SPMIP10: variants seen among roughly 807,000 people sequenced by gnomAD.
The protein encoded by SPMIP10 is sperm-associated microtubule inner protein 10.
At chr5:126,631,841 G>A in the SPMIP10 span, 1 of 1,536,468 alleles carries the variant, frequency 6.5e-7, no homozygotes, top group East Asian at 2.3e-5. Context: ...ATGGGATTCT[G>A]GGGTTTTTTG....
the SPMIP10 span, among the ~76,000 whole-genome samples, chr5:126,633,555 T>C: frequency 6.6e-6 from 1 of 152,208 alleles, no homozygotes; most frequent in South Asian, 2.1e-4. Flanking sequence ...AGATGGGGTC[T>C]CACTATGTCT....
chr5:126,633,735 A>T, the SPMIP10 span, among the ~76,000 whole-genome samples: 1 of 152,160 alleles, frequency 6.6e-6, no homozygotes, highest in Admixed American at 6.6e-5. Context: ...ATCATGGCTC[A>T]CTGCAGCTGC....
chr5:126,631,807 A>G, the SPMIP10 span: 3 of 1,605,874 alleles, frequency 1.9e-6, no homozygotes, highest in Non-Finnish European at 2.6e-6. Flanking sequence ...GAGTCTCTAT[A>G]AATCTGCTAA....
At chr5:126,636,283 TCTTA>T in the SPMIP10 span, 1 of 1,465,862 alleles carries the variant, frequency 6.8e-7, no homozygotes, top group Non-Finnish European at 9.5e-7. Flanking sequence ...ATCTCTGCTC[TCTTA>T]CTGTCTCTGA....
At chr5:126,635,927 G>T in the SPMIP10 span, 8 of 951,678 alleles carry the variant, frequency 8.4e-6, no homozygotes, top group Middle Eastern at 2.9e-4. Flanking sequence ...CTCCCAAATT[G>T]CTGGGATTAC....
chr5:126,633,024 T>TATATATATATATATATATATATATATAA, the SPMIP10 span, among the ~76,000 whole-genome samples: 1,485 of 138,278 alleles, frequency 0.011, 68 homozygotes, highest in African/African-American at 0.044. Flanking sequence ...TATATATATA[T>TATATATATATATATATATATATATATAA]ATATATATAA....
the SPMIP10 span, among the ~76,000 whole-genome samples, chr5:126,634,098 C>G: frequency 1.3e-5 from 2 of 152,328 alleles, no homozygotes; most frequent in African/African-American, 4.8e-5. Context: ...TAAGTATATG[C>G]TCAAAATAAT....
the SPMIP10 span, among the ~76,000 whole-genome samples, chr5:126,633,727 C>A: frequency 6.6e-6 from 1 of 152,176 alleles, no homozygotes; most frequent in East Asian, 1.9e-4. Context: ...ATGATGCAAT[C>A]ATGGCTCACT....
At chr5:126,632,547 TA>T in the SPMIP10 span, 6 of 1,543,802 alleles carry the variant, frequency 3.9e-6, no homozygotes, top group African/African-American at 8.2e-5. Flanking sequence ...AATCATCAGG[TA>T]TGAAGAGATT....
chr5:126,635,529 T>A, the SPMIP10 span, among the ~76,000 whole-genome samples: 2 of 152,140 alleles, frequency 1.3e-5, no homozygotes, highest in African/African-American at 4.8e-5. Context: ...ACAATCTGCC[T>A]CCAAATATAT....
the SPMIP10 span, among the ~76,000 whole-genome samples, chr5:126,634,784 A>C: frequency 6.6e-6 from 1 of 152,216 alleles, no homozygotes; most frequent in Non-Finnish European, 1.5e-5. Flanking sequence ...CACTGAGTAA[A>C]TGCTAGTAAA....
chr5:126,632,950 G>A, the SPMIP10 span, among the ~76,000 whole-genome samples: 4 of 148,874 alleles, frequency 2.7e-5, no homozygotes, highest in Non-Finnish European at 4.4e-5. Context: ...TTGCGCCACT[G>A]CAATCTAGCC....
the SPMIP10 span, chr5:126,636,011 G>A: frequency 8.2e-6 from 13 of 1,579,040 alleles, no homozygotes; most frequent in East Asian, 2.7e-4. Flanking sequence ...GTGATACACA[G>A]AAGATTTTCT....
At chr5:126,634,167 C>T in the SPMIP10 span, among the ~76,000 whole-genome samples, 2 of 152,148 alleles carry the variant, frequency 1.3e-5, no homozygotes, top group African/African-American at 4.8e-5. Context: ...CGTGGTGGCT[C>T]ATGCCTGTGA....
At chr5:126,636,230 C>A in the SPMIP10 span, 1 of 1,612,292 alleles carries the variant, frequency 6.2e-7, no homozygotes, top group Non-Finnish European at 8.5e-7. Context: ...CTTCAGGAGG[C>A]GACTAGTCTA....
chr5:126,631,707 A>G, the SPMIP10 span: 7 of 1,437,726 alleles, frequency 4.9e-6, no homozygotes, highest in Middle Eastern at 1.8e-4. Flanking sequence ...GAAGTTTTAG[A>G]TGAGTATTCC....
chr5:126,633,992 C>T, the SPMIP10 span, among the ~76,000 whole-genome samples: 2 of 152,134 alleles, frequency 1.3e-5, no homozygotes. Context: ...AGGAAAACTA[C>T]TATAGGTAAA....
chr5:126,632,474 C>G, the SPMIP10 span: 1 of 862,416 alleles, frequency 1.2e-6, no homozygotes, highest in Non-Finnish European at 2.0e-6. Context: ...ACAACTGCCT[C>G]CAGTGCCTGG....
At chr5:126,635,988 A>C in the SPMIP10 span, 1 of 1,486,528 alleles carries the variant, frequency 6.7e-7, no homozygotes, top group South Asian at 1.2e-5. Flanking sequence ...CTAACAAGAA[A>C]ATGATGTTTG....
Sources: gnomAD v4.1 joint callset for allele counts (sites outside exome capture counted in the v4.1 genomes callset) on GRCh38, gnomAD v4.1.1 for gene constraint, MANE v1.5 for transcripts, NCBI Gene and HGNC (gene_info 2026-07-23, HGNC 2026-07-21) for gene names.